GNG7: variants seen among roughly 807,000 people sequenced by gnomAD.
The protein encoded by GNG7 is G protein subunit gamma 7, also known as guanine nucleotide-binding protein G(I)/G(S)/G(O) subunit gamma-7.
In GNG7, 1 loss-of-function variant was observed where a neutral mutation model predicts 4.0. The observed-to-expected ratio is 0.25, with a 90% CI of 0.09 to 1.18. The LOEUF is 1.18. GNG7 is among the 50% of genes most tolerant of loss of function. GNG7 has a pLI of 0.50. For missense variants in GNG7, 86 were observed against 91.9 expected (o/e 0.94, Z 0.26); for synonymous variants, 34 against 36.9 (o/e 0.92, Z 0.29).
At chr19:2,619,971 G>A (rs1232909402) in intron 2 of GNG7, among the ~76,000 whole-genome samples, 1 of 151,474 alleles carries the variant, frequency 6.6e-6, no homozygotes, top group South Asian at 2.1e-4. Context: ...AGGGGGGGGC[G>A]CGGATCACCT....
intron 2 of GNG7, among the ~76,000 whole-genome samples, chr19:2,598,713 TAATAA>T (rs1981109706): frequency 6.8e-6 from 1 of 147,924 alleles, no homozygotes; most frequent in African/African-American, 2.5e-5. Flanking sequence ...ATAATAATAA[TAATAA>T]TAATAATGCT....
Position 2,513,211 on chromosome 19 carries a change from G to A in GNG7, c.*1811C>T, listed in dbSNP as rs557625279. The A allele has an allele frequency of 5.8e-6, 5 of 866,476 alleles. No individual in the cohort carries two copies. In the African/African-American group the frequency reaches 9.1e-5, roughly 16 times the overall value. The allele number at this position is 866,476 out of a possible 1,614,324, so 53.7% of individuals were successfully genotyped here. On this transcript the variant is annotated 3_prime_UTR_variant, in exon 5 of 5. Transcript: ENST00000382159. ...CCAGCTCAGGAAGTGAGCCAAGCAG[G>A]GATCCCCGCCTCACGGGCCTGCACG...
chr19:2,696,159 A>T (rs1426325030), intron 1 of GNG7, among the ~76,000 whole-genome samples: 1 of 150,598 alleles, frequency 6.6e-6, no homozygotes, highest in Non-Finnish European at 1.5e-5. Context: ...TCCGTCAAAA[A>T]AAAAGAAAAG....
At chr19:2,657,348 AAAAAAAAAAAAAAATATATATATATAT>A (rs1162376646) in intron 1 of GNG7, among the ~76,000 whole-genome samples, 444 of 41,098 alleles carry the variant, frequency 0.011, 33 homozygotes, top group East Asian at 0.067. Context: ...AAAAAAAAAA[AAAAAAAAAAAAAAATATATATATATAT>A]ATATATATAT....
rs905823165 is a variant in GNG7 at position 2,614,411 on chromosome 19, C to G, written c.-78+31813G>C. 2.6e-5 allele frequency among the ~76,000 whole-genome samples: 4 copies of G among 152,148 alleles called. No individual in the cohort carries two copies. The highest frequency in any genetic ancestry group is 2.6e-4 in the Admixed American group (4 of 15,264). On this transcript the variant is annotated intron_variant, in intron 2 of 4. Coordinates refer to ENST00000382159, the MANE Select transcript of GNG7 (RefSeq NM_052847.3). This position sits in a 1 kb window ranked among gnomAD's most constrained non-coding sequence, Gnocchi z 6.0. ...CTAGCTCTAGAACATTCTCAGCCCC[C>G]CAAAAAGACACCCCATCCCTATCAG... is the stretch of plus-strand genomic sequence containing the variant.
intron 2 of GNG7, chr19:2,632,474 TCA>T (rs10545211): frequency 0.16 from 21,206 of 131,564 alleles, 1,672 homozygotes; most frequent in South Asian, 0.28. Flanking sequence ...TAAACAAAAC[TCA>T]CACACACACA....
At chr19:2,622,809 C>A (rs1024023949) in intron 2 of GNG7, among the ~76,000 whole-genome samples, 1 of 151,918 alleles carries the variant, frequency 6.6e-6, no homozygotes, top group South Asian at 2.1e-4. Context: ...CCAATGCGAG[C>A]AACGCGGCAG....
chr19:2,574,425 C>T (rs909936269), intron 2 of GNG7, among the ~76,000 whole-genome samples: 2 of 152,218 alleles, frequency 1.3e-5, no homozygotes, highest in African/African-American at 4.8e-5. Flanking sequence ...CATCCTACTT[C>T]CTGTCTCTGT....
At chr19:2,640,809 T>G (rs1195447781) in intron 2 of GNG7, among the ~76,000 whole-genome samples, 1 of 152,144 alleles carries the variant, frequency 6.6e-6, no homozygotes, top group African/African-American at 2.4e-5. Context: ...TTAATTTTTT[T>G]GTAGAGATGG....
chr19:2,552,859 C>A (rs544097152), intron 3 of GNG7, among the ~76,000 whole-genome samples: 7 of 150,666 alleles, frequency 4.6e-5, no homozygotes, highest in African/African-American at 9.8e-5. Flanking sequence ...CCACCCCCCC[C>A]ACCTCCCCAC....
At chr19:2,689,951 T>C (rs1456136997) in intron 1 of GNG7, among the ~76,000 whole-genome samples, 2 of 152,180 alleles carry the variant, frequency 1.3e-5, no homozygotes, top group African/African-American at 4.8e-5. Context: ...AGTGTGCCAA[T>C]AAAACATTAT....
chr19:2,695,346 G>A (rs1364773149), intron 1 of GNG7, among the ~76,000 whole-genome samples: 3 of 151,766 alleles, frequency 2.0e-5, no homozygotes, highest in Admixed American at 6.6e-5. Context: ...ACACAGGCCC[G>A]AGGCCCCCAC....
chr19:2,547,515 C>G (rs1046431787), intron 3 of GNG7, among the ~76,000 whole-genome samples: 6 of 152,168 alleles, frequency 3.9e-5, no homozygotes, highest in Non-Finnish European at 5.9e-5. Flanking sequence ...CTGCGCCCCC[C>G]CACCCCGGAT....
At chr19:2,527,773 AACC>A (rs1978454523) in intron 3 of GNG7, among the ~76,000 whole-genome samples, 1 of 137,168 alleles carries the variant, frequency 7.3e-6, no homozygotes, top group African/African-American at 3.0e-5. Context: ...CTTGCCAGGA[AACC>A]CCCCCCCCCA....
intron 1 of GNG7, among the ~76,000 whole-genome samples, chr19:2,662,249 G>A (rs1347384408): frequency 8.4e-6 from 1 of 118,544 alleles, no homozygotes; most frequent in Non-Finnish European, 1.6e-5. Flanking sequence ...GACAGAGCGA[G>A]ACTCCATCTC....
At position 2,515,058 on chromosome 19, in the gene GNG7, G is replaced by T; in HGVS notation, c.171C>A (p.Asn57Lys). The T allele has an allele frequency of 1.2e-6, 2 of 1,613,930 alleles. No homozygotes were observed. The highest frequency in any genetic ancestry group is 1.7e-6 in the Non-Finnish European group (2 of 1,179,874). ...TACAAGGTTTCTTGTCCTTAAAGGG[G>T]TTCTCCGAGGCAGGGACTCCGACCA... ...PLLVGVPASE[N>K]PFKDKKPCII... Residue 57 changes from asparagine (N) to lysine (K), a missense_variant, in exon 5 of 5, where the codon AAC becomes AAA. Coordinates refer to ENST00000382159, the MANE Select transcript of GNG7 (RefSeq NM_052847.3).
chr19:2,520,827 G>T, intron 3 of GNG7, 102 bp from the exon 4 acceptor site: 1 of 602,068 alleles, frequency 1.7e-6, no homozygotes, highest in Non-Finnish European at 3.0e-6. Context: ...TCTAGGCACG[G>T]CCACTTTGCC....
chr19:2,581,163 C>T (rs900822656), intron 2 of GNG7, among the ~76,000 whole-genome samples: 1 of 152,034 alleles, frequency 6.6e-6, no homozygotes, highest in African/African-American at 2.4e-5. Context: ...TGGGAAAATG[C>T]ACTATGATGT....
chr19:2,693,443 AAAAG>A (rs1246026382), intron 1 of GNG7, among the ~76,000 whole-genome samples: 1 of 151,840 alleles, frequency 6.6e-6, no homozygotes, highest in Non-Finnish European at 1.5e-5. Flanking sequence ...AAGAAAGAAA[AAAAG>A]AAAGAAAAGA....
Sources: allele counts gnomAD v4.1 joint callset (sites outside exome capture counted in the v4.1 genomes callset), GRCh38; gene constraint gnomAD v4.1.1; non-coding constraint Gnocchi (gnomAD v3.1); transcripts MANE v1.5; gene names NCBI Gene and HGNC (gene_info 2026-07-23, HGNC 2026-07-21).